GALNT18: variants seen among roughly 807,000 people sequenced by gnomAD.
The protein encoded by GALNT18 is polypeptide N-acetylgalactosaminyltransferase 18, also known as GalNAc-transferase 18.
In GALNT18, 44 loss-of-function variants were observed where a neutral mutation model predicts 69.5. That is an observed-to-expected ratio of 0.63 (90% confidence interval 0.50 to 0.81). GALNT18 has a LOEUF of 0.81. Ranked by LOEUF, GALNT18 falls within the 40% of genes least tolerant of loss-of-function variation. The pLI is 0.00. For missense variants in GALNT18, 715 were observed against 810.0 expected (o/e 0.88, Z 1.42); for synonymous variants, 364 against 318.2 (o/e 1.14, Z -1.53).
intron 1 of GALNT18, among the ~76,000 whole-genome samples, chr11:11,462,183 G>A (rs1312637424): frequency 2.0e-5 from 3 of 152,114 alleles, no homozygotes; most frequent in Admixed American, 1.3e-4. Context: ...GCCGGTCCAC[G>A]GTCCCCACTC....
chr11:11,376,413 AACT>A (rs2133685056), intron 5 of GALNT18, among the ~76,000 whole-genome samples: 1 of 129,346 alleles, frequency 7.7e-6, no homozygotes, highest in South Asian at 2.4e-4. Flanking sequence ...CAGAAATAAA[AACT>A]AGTGGGGACA....
At chr11:11,527,001 G>A (rs549421000) in intron 1 of GALNT18, among the ~76,000 whole-genome samples, 28 of 152,206 alleles carry the variant, frequency 1.8e-4, no homozygotes, top group Middle Eastern at 3.4e-3. Context: ...TCTCTTGAAG[G>A]AGCCCGACAC....
Position 11,275,070 on chromosome 11 carries a change from C to T in GALNT18, c.1678-3780G>A, listed in dbSNP as rs541136017. On this transcript the variant is annotated intron_variant, in intron 10 of 10. Coordinates refer to ENST00000227756, the MANE Select transcript of GALNT18 (RefSeq NM_198516.3). Reference sequence around the variant, plus strand: ...TTTGGGTACATACCCAGTGATGGGACCGCTAGGTCAAATAGTATTTCTAGT... The same window carrying T: ...TTTGGGTACATACCCAGTGATGGGATCGCTAGGTCAAATAGTATTTCTAGT... Among the ~76,000 whole-genome samples the T allele has an allele frequency of 3.9e-5, 6 of 152,294 alleles. No homozygotes were observed. The South Asian group carries it at 1.0e-3, about 26-fold the overall frequency.
chr11:11,577,088 A>G lies in GALNT18; in HGVS notation c.235+44271T>C, dbSNP rs1296036136. ...CTGGCTGGCTGTGTGCCCTGAGCTC[A>G]GTTTCCTCATCTGTGAAAGGGGGAT... On this transcript the variant is annotated intron_variant, in intron 1 of 10. Transcript: ENST00000227756. Among the ~76,000 whole-genome samples the G allele has an allele frequency of 3.9e-5, 6 of 152,208 alleles. No homozygotes were observed. The East Asian group carries it at 9.6e-4, about 24-fold the overall frequency.
intron 6 of GALNT18, chr11:11,353,152 A>T (rs1277803601): frequency 3.7e-6 from 6 of 1,611,108 alleles, no homozygotes; most frequent in Non-Finnish European, 5.1e-6. Flanking sequence ...GCTGGACTTG[A>T]TGTTTGGAGA....
chr11:11,373,508 T>C (rs1299523125), intron 5 of GALNT18, among the ~76,000 whole-genome samples: 4 of 152,052 alleles, frequency 2.6e-5, no homozygotes, highest in Non-Finnish European at 5.9e-5. Flanking sequence ...GAAAGAAGCA[T>C]TGGTGGTGGA....
In GALNT18 at chr11:11,454,271, G is replaced by A. The variant is rs1855873675; in HGVS notation, c.236-5335C>T. On this transcript the variant is annotated intron_variant, in intron 1 of 10. Coordinates refer to ENST00000227756, the MANE Select transcript of GALNT18 (RefSeq NM_198516.3). This position sits in a 1 kb window ranked among gnomAD's most constrained non-coding sequence, Gnocchi z 4.2. ...GCAAATGATTGTGCACAGTTACGCAGACTGGCACGGCATGTTTAAGAGCTT... is the reference window on the plus strand; with the variant it reads ...GCAAATGATTGTGCACAGTTACGCAAACTGGCACGGCATGTTTAAGAGCTT... 6.6e-6 allele frequency among the ~76,000 whole-genome samples: 1 copy of A among 152,176 alleles called. No homozygotes were observed. Among genetic ancestry groups the A allele is most frequent in the Admixed American group, 6.5e-5 (1 of 15,274 alleles).
At chr11:11,311,230 T>G (rs1328245341) in intron 9 of GALNT18, among the ~76,000 whole-genome samples, 1 of 152,156 alleles carries the variant, frequency 6.6e-6, no homozygotes, top group African/African-American at 2.4e-5. Flanking sequence ...AGTACCCAAC[T>G]TCTTGAAGGT....
chr11:11,352,651 C>T, intron 6 of GALNT18: 3 of 1,614,198 alleles, frequency 1.9e-6, no homozygotes, highest in African/African-American at 1.3e-5. Context: ...TGGGGCTTGA[C>T]ATCTCTGTGC....
rs982599286 is a variant in GALNT18, at chr11:11,387,331, A to G, written c.596-8067T>C. 6.6e-6 allele frequency among the ~76,000 whole-genome samples: 1 copy of G among 151,874 alleles called. No individual in the cohort carries two copies. Among genetic ancestry groups the G allele is most frequent in the East Asian group, 1.9e-4 (1 of 5,176 alleles). On this transcript the variant is annotated intron_variant, in intron 3 of 10. Coordinates refer to ENST00000227756, the MANE Select transcript of GALNT18 (RefSeq NM_198516.3). The surrounding 1 kb of genome is among the most constrained non-coding windows in gnomAD (Gnocchi z 4.6). ...TGCAGAGGCCACGGCTTTTTGTCCC[A>G]TTGTGGCCACACCCCTCCTTCCTGG...
Position 11,491,982 on chromosome 11 carries a change from T to C in GALNT18, c.236-43046A>G, listed in dbSNP as rs142191096. ...CTCTCATAGAAAGGAAGAGTACCTA[T>C]GATTCATTTAGCATTGACTCAAATT... On this transcript the variant is annotated intron_variant, in intron 1 of 10. Transcript: ENST00000227756. 5.6e-4 allele frequency among the ~76,000 whole-genome samples: 86 copies of C among 152,334 alleles called. No homozygotes were observed. In the East Asian group the frequency reaches 0.016, roughly 28 times the overall value.
intron 1 of GALNT18, among the ~76,000 whole-genome samples, chr11:11,515,293 T>C (rs768171374): frequency 1.5e-4 from 22 of 146,172 alleles, no homozygotes; most frequent in Admixed American, 5.0e-4. Flanking sequence ...GAGCCAGGAA[T>C]TGATAGTCCC....
At position 11,538,472 on chromosome 11, in the gene GALNT18, T is replaced by G. The variant is rs569049347; in HGVS notation, c.235+82887A>C. On this transcript the variant is annotated intron_variant, in intron 1 of 10. Coordinates refer to ENST00000227756, the MANE Select transcript of GALNT18 (RefSeq NM_198516.3). This position sits in a 1 kb window ranked among gnomAD's most constrained non-coding sequence, Gnocchi z 5.2. The stretch of plus-strand genomic sequence containing the variant: ...ACTCCAGCTCCCAGAGGCCTGGGCC[T>G]GCAGGGTGGGAGAGACCAGCATACC... Among the ~76,000 whole-genome samples, 1 of 152,218 alleles carries G rather than the reference T, an allele frequency of 6.6e-6. No homozygotes were observed. The highest frequency in any genetic ancestry group is 2.4e-5 in the African/African-American group (1 of 41,466).
In GALNT18 at chr11:11,586,443, T is replaced by A. The variant is rs1859227131; in HGVS notation, c.235+34916A>T. 6.6e-6 allele frequency among the ~76,000 whole-genome samples: 1 copy of A among 152,166 alleles called. No homozygotes were observed. Among genetic ancestry groups the A allele is most frequent in the Non-Finnish European group, 1.5e-5 (1 of 68,032 alleles). On this transcript the variant is annotated intron_variant, in intron 1 of 10. Coordinates refer to ENST00000227756, the MANE Select transcript of GALNT18 (RefSeq NM_198516.3). The surrounding 1 kb of genome is among the most constrained non-coding windows in gnomAD (Gnocchi z 4.1). ...CCTAAGACCAAAAAGTTTGAAAACT[T>A]CTGGCTTAAACTATAGCTAAAAGAT...
chr11:11,389,410 T>C lies in GALNT18; in HGVS notation c.596-10146A>G, dbSNP rs1854127842. On this transcript the variant is annotated intron_variant, in intron 3 of 10. Transcript: ENST00000227756. The surrounding 1 kb of genome is among the most constrained non-coding windows in gnomAD (Gnocchi z 4.3). ...CAGTGTCTTTGCTGACTAAATGACC[T>C]TGGCAAAGGGCCACCTCGCCTTTGT... 6.6e-6 allele frequency among the ~76,000 whole-genome samples: 1 copy of C among 152,204 alleles called. No individual in the cohort carries two copies. The highest frequency in any genetic ancestry group is 6.5e-5 in the Admixed American group (1 of 15,276).
chr11:11,580,396 C>T (rs890660447), intron 1 of GALNT18, among the ~76,000 whole-genome samples: 2 of 152,310 alleles, frequency 1.3e-5, no homozygotes, highest in East Asian at 3.9e-4. Flanking sequence ...TGAGATGTAG[C>T]CATGAACATC....
In GALNT18 at chr11:11,417,861, C is replaced by A. The variant is rs184660628; in HGVS notation, c.595+14760G>T. On this transcript the variant is annotated intron_variant, in intron 3 of 10. Coordinates refer to ENST00000227756, the MANE Select transcript of GALNT18 (RefSeq NM_198516.3). ...CTTCTCTGAGCCTCAGCGTTCTCAT[C>A]TGTGAAATGAACATGGTATTAATAA... Among the ~76,000 whole-genome samples, 7 of 152,344 alleles carry A rather than the reference C, an allele frequency of 4.6e-5. No homozygotes were observed. In the East Asian group the frequency reaches 1.3e-3, roughly 29 times the overall value.
At chr11:11,379,963 A>G (rs11021825) in intron 3 of GALNT18, among the ~76,000 whole-genome samples, 29,407 of 152,240 alleles carry the variant, frequency 0.19, 3,065 homozygotes, top group Middle Eastern at 0.3. Context: ...GGGCACAGCC[A>G]CTGCATTCAT....
Position 11,270,989 on chromosome 11 carries a change from A to C in GALNT18, c.*155T>G. 1 of 601,566 alleles carries C rather than the reference A, an allele frequency of 1.7e-6. No individual in the cohort carries two copies. Among genetic ancestry groups the C allele is most frequent in the East Asian group, 2.8e-5 (1 of 36,038 alleles). 37.3% of individuals were successfully genotyped at this position (601,566 alleles called of 1,614,324 possible). A position where few individuals can be genotyped will look rare whatever the true frequency, so the allele number is the denominator to read the frequency against. On this transcript the variant is annotated 3_prime_UTR_variant, in exon 11 of 11. Transcript: ENST00000227756. ...CACCTACCAATCAGCATCTTTCTAT[A>C]AACTCCATGAAAATTGAATAGGAAA...
Sources: allele counts gnomAD v4.1 joint callset (sites outside exome capture counted in the v4.1 genomes callset), GRCh38; gene constraint gnomAD v4.1.1; non-coding constraint Gnocchi (gnomAD v3.1); transcripts MANE v1.5; gene names NCBI Gene and HGNC (gene_info 2026-07-23, HGNC 2026-07-21).